The following NRG1 variants were observed in gnomAD, a reference collection of about 807,000 sequenced individuals.
NRG1 encodes the protein pro-neuregulin-1, membrane-bound isoform.
A neutral mutation model predicts 63.8 loss-of-function variants in NRG1; 18 were observed. The observed-to-expected ratio is 0.28, with a 90% CI of 0.19 to 0.42. NRG1 has a LOEUF of 0.42. Ranked by LOEUF, NRG1 falls within the 10% of genes least tolerant of loss-of-function variation. The probability of loss-of-function intolerance (pLI) is 1.00; values close to 1 mark genes in which losing one functional copy is unlikely to be tolerated. For synonymous variants in NRG1, 302 were observed against 301.3 expected (o/e 1.00, Z -0.02); for missense variants, 762 against 814.7 (o/e 0.94, Z 0.79).
intron 1 of NRG1, among the ~76,000 whole-genome samples, chr8:32,093,258 C>G (rs1829447214): frequency 6.6e-6 from 1 of 152,066 alleles, no homozygotes; most frequent in Admixed American, 6.5e-5. Context: ...ATGTGCATAG[C>G]CCGAGAAACA....
intron 1 of NRG1, among the ~76,000 whole-genome samples, chr8:31,758,530 C>A (rs1243180479): frequency 6.6e-6 from 1 of 152,108 alleles, no homozygotes; most frequent in Non-Finnish European, 1.5e-5. Context: ...GAATACTGTG[C>A]AGCCATAAAA....
intron 1 of NRG1, among the ~76,000 whole-genome samples, chr8:32,509,990 T>G (rs1366735037): frequency 3.3e-5 from 5 of 152,072 alleles, no homozygotes; most frequent in Non-Finnish European, 1.5e-5. Flanking sequence ...GAATTTTTTT[T>G]GCTTGTTTTC....
At chr8:32,496,455 C>T (rs75974189) in intron 1 of NRG1, among the ~76,000 whole-genome samples, 15,955 of 152,066 alleles carry the variant, frequency 0.1, 1,202 homozygotes, top group Admixed American at 0.24. Context: ...CTGGGCATGG[C>T]GGTGCGTGCC....
chr8:32,361,727 A>G (rs1001925824), intron 1 of NRG1, among the ~76,000 whole-genome samples: 1 of 152,148 alleles, frequency 6.6e-6, no homozygotes, highest in South Asian at 2.1e-4. Context: ...TCATTGCTCA[A>G]ACTTCCTGTA....
At chr8:32,403,241 A>G (rs1813465476) in intron 1 of NRG1, among the ~76,000 whole-genome samples, 1 of 147,534 alleles carries the variant, frequency 6.8e-6, no homozygotes, top group South Asian at 2.2e-4. Context: ...GAAAAGTTGC[A>G]GTGAGCCGAG....
chr8:31,694,626 T>C (rs542064698), intron 1 of NRG1, among the ~76,000 whole-genome samples: 3 of 152,308 alleles, frequency 2.0e-5, no homozygotes, highest in Non-Finnish European at 2.9e-5. Flanking sequence ...TAGAAGGCTA[T>C]GTAGGCTTTT....
At chr8:32,445,295 A>T (rs1392715679) in intron 1 of NRG1, among the ~76,000 whole-genome samples, 1 of 152,194 alleles carries the variant, frequency 6.6e-6, no homozygotes, top group Non-Finnish European at 1.5e-5. Context: ...AATGTACATT[A>T]GTTTTATTTT....
intron 1 of NRG1, among the ~76,000 whole-genome samples, chr8:32,507,482 A>T (rs1336828793): frequency 6.6e-6 from 1 of 152,214 alleles, no homozygotes; most frequent in African/African-American, 2.4e-5. Flanking sequence ...AAAGTGTTTG[A>T]TCTGCTTTGT....
At chr8:32,302,041 T>G (rs1432222114) in intron 1 of NRG1, among the ~76,000 whole-genome samples, 2 of 152,244 alleles carry the variant, frequency 1.3e-5, no homozygotes, top group East Asian at 3.8e-4. Flanking sequence ...TGACATTCTG[T>G]CTAATTTAGC....
intron 1 of NRG1, among the ~76,000 whole-genome samples, chr8:31,944,643 G>A (rs990213670): frequency 6.6e-6 from 1 of 152,150 alleles, no homozygotes; most frequent in Non-Finnish European, 1.5e-5. Context: ...CTTCAGCCTT[G>A]TATTTCACAG....
intron 6 of NRG1, among the ~76,000 whole-genome samples, chr8:32,736,242 C>T (rs1825025061): frequency 6.6e-6 from 1 of 152,120 alleles, no homozygotes; most frequent in Non-Finnish European, 1.5e-5. Flanking sequence ...AGGTAGATAA[C>T]AGAATGAGGT....
intron 1 of NRG1, among the ~76,000 whole-genome samples, chr8:32,480,582 C>T (rs1408043561): frequency 6.6e-6 from 1 of 152,040 alleles, no homozygotes; most frequent in East Asian, 1.9e-4. Flanking sequence ...TCCGTTTTTG[C>T]GTTGCTGTAA....
At chr8:31,826,324 G>A (rs115030623) in intron 1 of NRG1, among the ~76,000 whole-genome samples, 167 of 152,260 alleles carry the variant, frequency 1.1e-3, no homozygotes, top group African/African-American at 3.9e-3. Flanking sequence ...GAGGGACCTG[G>A]CAGGAGGTAA....
intron 1 of NRG1, among the ~76,000 whole-genome samples, chr8:32,082,444 C>T (rs547702102): frequency 7.2e-5 from 11 of 151,918 alleles, no homozygotes; most frequent in African/African-American, 1.2e-4. Flanking sequence ...CTTTAGCTCC[C>T]GCTTATTAGT....
rs574395913 is a variant in NRG1, at chr8:31,889,232, A to C, written c.37+249801A>C. Among the ~76,000 whole-genome samples the C allele has an allele frequency of 5.1e-4, 77 of 152,328 alleles. 1 individual carries two copies. Among genetic ancestry groups the C allele is most frequent in the African/African-American group, 1.6e-3 (67 of 41,586 alleles). On this transcript the variant is annotated intron_variant, in intron 1 of 10. Coordinates refer to the NRG1 transcript ENST00000519301. Reference sequence around the variant, plus strand: ...TCCAGCGTTTTTCCTTGATGTCTTTATAAATACATTGTTTACAGTTTTTAT... The same window carrying C: ...TCCAGCGTTTTTCCTTGATGTCTTTCTAAATACATTGTTTACAGTTTTTAT...
At chr8:32,127,990 G>A (rs943178727) in intron 1 of NRG1, among the ~76,000 whole-genome samples, 1 of 151,856 alleles carries the variant, frequency 6.6e-6, no homozygotes, top group African/African-American at 2.4e-5. Flanking sequence ...AATTCTGGAT[G>A]GCTCATCTAA....
At chr8:32,306,690 G>A (rs939309035) in intron 1 of NRG1, among the ~76,000 whole-genome samples, 8 of 152,168 alleles carry the variant, frequency 5.3e-5, no homozygotes, top group African/African-American at 1.7e-4. Flanking sequence ...TAAATGGTAG[G>A]ACGAGGTTAC....
At chr8:31,861,871 C>T (rs948028767) in intron 1 of NRG1, among the ~76,000 whole-genome samples, 1 of 152,060 alleles carries the variant, frequency 6.6e-6, no homozygotes, top group Non-Finnish European at 1.5e-5. Flanking sequence ...TTCAACAGTT[C>T]TTGAAGAACA....
chr8:31,678,032 T>TAA (rs369465452), intron 1 of NRG1, among the ~76,000 whole-genome samples: 59 of 145,850 alleles, frequency 4.0e-4, no homozygotes, highest in Non-Finnish European at 5.3e-4. Context: ...AATGATAAAT[T>TAA]AAAAAAAAAA....
Sources: gnomAD v4.1 joint callset for allele counts (sites outside exome capture counted in the v4.1 genomes callset) on GRCh38, gnomAD v4.1.1 for gene constraint, MANE v1.5 for transcripts, NCBI Gene and HGNC (gene_info 2026-07-23, HGNC 2026-07-21) for gene names.